DPP10: variants seen among roughly 807,000 people sequenced by gnomAD.
The protein encoded by DPP10 is inactive dipeptidyl peptidase 10.
DPP10 carries 33 observed loss-of-function variants against 120.9 expected under a neutral mutation model. The observed-to-expected ratio is 0.27, with a 90% confidence interval of 0.21 to 0.37. The LOEUF (loss-of-function observed/expected upper bound fraction) is 0.37, where lower values mean the gene tolerates loss of function less well. DPP10 is among the 10% of genes least tolerant of loss of function. The pLI is 1.00. For missense variants in DPP10, 816 were observed against 942.8 expected (o/e 0.87, Z 1.76); for synonymous variants, 337 against 326.1 (o/e 1.03, Z -0.36).
At chr2:115,718,332 G>A (rs1280353612) in intron 7 of DPP10, among the ~76,000 whole-genome samples, 2 of 152,114 alleles carry the variant, frequency 1.3e-5, no homozygotes, top group Non-Finnish European at 2.9e-5. Context: ...GAGAGATGAA[G>A]TAACACGATT....
intron 3 of DPP10, among the ~76,000 whole-genome samples, chr2:115,428,124 C>T (rs1373816861): frequency 6.6e-6 from 1 of 152,192 alleles, no homozygotes; most frequent in South Asian, 2.1e-4. Flanking sequence ...TCTGAAACCT[C>T]AGCAGCCTGG....
chr2:114,908,701 T>C (rs1317856531), intron 1 of DPP10, among the ~76,000 whole-genome samples: 2 of 151,862 alleles, frequency 1.3e-5, no homozygotes, highest in Non-Finnish European at 3.0e-5. Context: ...AAATCTGGAA[T>C]GAATATTAAA....
chr2:114,858,622 A>C (rs1689554811), intron 1 of DPP10, among the ~76,000 whole-genome samples: 1 of 152,170 alleles, frequency 6.6e-6, no homozygotes, highest in African/African-American at 2.4e-5. Flanking sequence ...ATTGAAACAG[A>C]GTTTCATGAT....
At chr2:114,967,779 TTAACA>T (rs1441234093) in intron 1 of DPP10, among the ~76,000 whole-genome samples, 2 of 151,872 alleles carry the variant, frequency 1.3e-5, no homozygotes, top group East Asian at 3.9e-4. Flanking sequence ...TCTGCCTTAT[TTAACA>T]TTATCATTAT....
chr2:115,222,455 A>C (rs914944707), intron 1 of DPP10, among the ~76,000 whole-genome samples: 8 of 152,126 alleles, frequency 5.3e-5, no homozygotes, highest in African/African-American at 1.4e-4. Flanking sequence ...AAGTCTCATG[A>C]GATCCATTGG....
chr2:115,572,345 T>A (rs1299596234), intron 5 of DPP10, among the ~76,000 whole-genome samples: 1 of 152,174 alleles, frequency 6.6e-6, no homozygotes, highest in African/African-American at 2.4e-5. Flanking sequence ...ACCTATTTTT[T>A]AGTTTAGAAT....
At chr2:115,653,436 G>A (rs942609611) in intron 5 of DPP10, among the ~76,000 whole-genome samples, 1 of 152,026 alleles carries the variant, frequency 6.6e-6, no homozygotes, top group Non-Finnish European at 1.5e-5. Flanking sequence ...CAACAAATCT[G>A]CCATCTACAT....
Position 115,842,480 on chromosome 2 carries a change from C to A in DPP10, c.*135C>A. 9.8e-7 allele frequency: 1 copy of A among 1,018,340 alleles called. No individual in the cohort carries two copies. The highest frequency in any genetic ancestry group is 1.4e-6 in the Non-Finnish European group (1 of 732,016). 63.1% of individuals were successfully genotyped at this position (1,018,340 alleles called of 1,614,324 possible). A position where few individuals can be genotyped will look rare whatever the true frequency, so the allele number is the denominator to read the frequency against. ...GTCACTGGAGCAGCACGCTCAGAGA[C>A]AGTGAACTAGCATTTGAATACACAA... On this transcript the variant is annotated 3_prime_UTR_variant, in exon 26 of 26. Transcript: ENST00000410059.
chr2:115,762,896 C>T (rs1390023974), intron 12 of DPP10, among the ~76,000 whole-genome samples: 1 of 152,006 alleles, frequency 6.6e-6, no homozygotes, highest in Admixed American at 6.6e-5. Context: ...AGGAGAAAAA[C>T]TCAGGACCTA....
intron 3 of DPP10, among the ~76,000 whole-genome samples, chr2:115,456,433 C>T (rs1188575541): frequency 1.3e-5 from 2 of 152,110 alleles, no homozygotes; most frequent in East Asian, 1.9e-4. Context: ...CTAGAAATAC[C>T]ATTTGACCCA....
At chr2:115,175,661 A>C (rs2053638294) in intron 1 of DPP10, among the ~76,000 whole-genome samples, 1 of 152,268 alleles carries the variant, frequency 6.6e-6, no homozygotes, top group African/African-American at 2.4e-5. Flanking sequence ...AGAAAAGACC[A>C]GCGCTATTCA....
At chr2:115,222,131 C>T (rs1354580543) in intron 1 of DPP10, among the ~76,000 whole-genome samples, 10 of 152,172 alleles carry the variant, frequency 6.6e-5, no homozygotes, top group East Asian at 1.9e-4. Context: ...AGCGTGGTAC[C>T]ACTTACGGGG....
intron 1 of DPP10, among the ~76,000 whole-genome samples, chr2:114,610,908 C>G (rs187590939): frequency 6.0e-4 from 91 of 152,150 alleles, no homozygotes; most frequent in Non-Finnish European, 1.0e-3. Flanking sequence ...GCCACCACCA[C>G]CCCCCTTCTC....
intron 3 of DPP10, among the ~76,000 whole-genome samples, chr2:115,445,627 T>G (rs1056494975): frequency 6.6e-6 from 1 of 152,112 alleles, no homozygotes. Flanking sequence ...GAGATGATTT[T>G]GGGTATCTGG....
intron 1 of DPP10, among the ~76,000 whole-genome samples, chr2:114,584,766 G>T (rs1364684358): frequency 1.3e-5 from 2 of 151,988 alleles, no homozygotes. Context: ...GCAGGCTTTA[G>T]ACTTTATTGT....
At chr2:115,078,217 A>C (rs576010133) in intron 1 of DPP10, among the ~76,000 whole-genome samples, 1 of 152,350 alleles carries the variant, frequency 6.6e-6, no homozygotes, top group East Asian at 1.9e-4. Context: ...CATTTAAGAA[A>C]ATATATGTGA....
chr2:114,844,242 T>C (rs1021254451), intron 1 of DPP10, among the ~76,000 whole-genome samples: 1 of 152,124 alleles, frequency 6.6e-6, no homozygotes, highest in Non-Finnish European at 1.5e-5. Flanking sequence ...TTCTTCACGC[T>C]TGATGTGTGG....
intron 1 of DPP10, among the ~76,000 whole-genome samples, chr2:115,303,792 C>G (rs1669690587): frequency 6.6e-6 from 1 of 151,744 alleles, no homozygotes; most frequent in African/African-American, 2.4e-5. Flanking sequence ...TTAACACACT[C>G]CAGTACATTT....
At position 114,871,787 on chromosome 2, in the gene DPP10, G is replaced by A. The variant is rs77786837; in HGVS notation, c.60+428949G>A. The stretch of plus-strand genomic sequence containing the variant: ...TTGGGAACTGGGTCACACAGTAAGA[G>A]GTGAGTGGTGAACAAGCGAGCAAAC... On this transcript the variant is annotated intron_variant, in intron 1 of 25. Transcript: ENST00000410059. Among the ~76,000 whole-genome samples, 914 of 152,284 alleles carry A rather than the reference G, an allele frequency of 6.0e-3. 7 individuals carry two copies. Among genetic ancestry groups the A allele is most frequent in the African/African-American group, 0.021 (872 of 41,558 alleles).
Sources: allele counts gnomAD v4.1 joint callset (sites outside exome capture counted in the v4.1 genomes callset), GRCh38; gene constraint gnomAD v4.1.1; transcripts MANE v1.5; gene names NCBI Gene and HGNC (gene_info 2026-07-23, HGNC 2026-07-21).